Variants in IMMP2L observed in about 807,000 individuals in gnomAD.
IMMP2L encodes the protein mitochondrial inner membrane protease subunit 2.
IMMP2L carries 18 observed loss-of-function variants against 19.3 expected under a neutral mutation model. The observed-to-expected ratio is 0.93, with a 90% CI of 0.64 to 1.38. The LOEUF (loss-of-function observed/expected upper bound fraction) is 1.38. Ranked by LOEUF, IMMP2L falls within the 40% of genes most tolerant of loss-of-function variation. The pLI, the probability that IMMP2L is intolerant of heterozygous loss-of-function variation, is 0.00. For synonymous variants in IMMP2L, 76 were observed against 73.0 expected (o/e 1.04, Z -0.21); for missense variants, 233 against 218.2 (o/e 1.07, Z -0.43).
At chr7:111,366,338 A>G (rs1829756366) in intron 3 of IMMP2L, among the ~76,000 whole-genome samples, 1 of 149,108 alleles carries the variant, frequency 6.7e-6, no homozygotes, top group South Asian at 2.1e-4. Context: ...CTATTAAAAA[A>G]AGAAAGAAAA....
intron 3 of IMMP2L, among the ~76,000 whole-genome samples, chr7:111,471,344 GA>G (rs1841252346): frequency 6.6e-6 from 1 of 152,048 alleles, no homozygotes; most frequent in South Asian, 2.1e-4. Flanking sequence ...TTGTATAGAA[GA>G]GAGGAGAAAA....
chr7:110,850,201 T>C (rs1019391926), intron 5 of IMMP2L, among the ~76,000 whole-genome samples: 3 of 151,996 alleles, frequency 2.0e-5, no homozygotes, highest in African/African-American at 7.2e-5. Context: ...TTTTCTGCTA[T>C]CAAAACAGGA....
intron 4 of IMMP2L, among the ~76,000 whole-genome samples, chr7:110,932,989 GT>G (rs1379581716): frequency 6.6e-6 from 1 of 152,156 alleles, no homozygotes; most frequent in Non-Finnish European, 1.5e-5. Flanking sequence ...ACTCTCTTTA[GT>G]TTTGCCACAG....
intron 5 of IMMP2L, among the ~76,000 whole-genome samples, chr7:110,741,541 G>C (rs1450554653): frequency 6.6e-6 from 1 of 152,160 alleles, no homozygotes; most frequent in East Asian, 1.9e-4. Flanking sequence ...ACCATCTTTG[G>C]AGCAGAAAGC....
chr7:111,441,837 C>T (rs1282364209), intron 3 of IMMP2L, among the ~76,000 whole-genome samples: 1 of 151,576 alleles, frequency 6.6e-6, no homozygotes, highest in Non-Finnish European at 1.5e-5. Flanking sequence ...GTAAAACTCA[C>T]ATGAAAAGCT....
chr7:110,672,507 TCA>T (rs1316552959), intron 5 of IMMP2L, among the ~76,000 whole-genome samples: 1 of 152,094 alleles, frequency 6.6e-6, no homozygotes, highest in Non-Finnish European at 1.5e-5. Context: ...AAGTCTTAAC[TCA>T]TTCCACCATT....
In IMMP2L at chr7:111,038,279, A is replaced by T. The variant is rs141891649; in HGVS notation, c.240-74714T>A. On this transcript the variant is annotated intron_variant, in intron 3 of 5. Transcript: ENST00000405709. ...TATTCACAATTTGGGGGTGGTAAAA[A>T]TGAAAGGAAAAGCAATACGTTGGTG... is the stretch of plus-strand genomic sequence containing the variant. 4.1e-3 allele frequency among the ~76,000 whole-genome samples: 623 copies of T among 152,286 alleles called. 30 individuals are homozygous for T. The East Asian group carries it at 0.081, about 20-fold the overall frequency.
At chr7:110,873,029 G>A (rs1808684671) in intron 5 of IMMP2L, among the ~76,000 whole-genome samples, 1 of 152,152 alleles carries the variant, frequency 6.6e-6, no homozygotes, top group African/African-American at 2.4e-5. Flanking sequence ...GATATTTGGG[G>A]GGAGCCCCCA....
intron 3 of IMMP2L, among the ~76,000 whole-genome samples, chr7:111,160,613 T>C (rs1209600186): frequency 2.0e-5 from 3 of 151,784 alleles, no homozygotes; most frequent in Non-Finnish European, 4.4e-5. Context: ...TAGAAGGCTA[T>C]AAATTCATGA....
intron 4 of IMMP2L, chr7:110,962,666 C>A: frequency 1.0e-6 from 1 of 959,256 alleles, no homozygotes; most frequent in Non-Finnish European, 1.2e-6. Context: ...CCCCTGGGAT[C>A]CTCTGGCCAT....
At chr7:111,237,022 A>G (rs1814405650) in intron 3 of IMMP2L, among the ~76,000 whole-genome samples, 1 of 152,174 alleles carries the variant, frequency 6.6e-6, no homozygotes, top group African/African-American at 2.4e-5. Context: ...ATAGAAAGTA[A>G]GAACTTACAA....
intron 5 of IMMP2L, among the ~76,000 whole-genome samples, chr7:110,810,891 A>G (rs1801989326): frequency 6.6e-6 from 1 of 152,110 alleles, no homozygotes; most frequent in South Asian, 2.1e-4. Context: ...ATGACTTGAC[A>G]TCATAAAAAG....
chr7:111,187,230 T>C (rs1296359585), intron 3 of IMMP2L, among the ~76,000 whole-genome samples: 1 of 152,144 alleles, frequency 6.6e-6, no homozygotes, highest in Non-Finnish European at 1.5e-5. Flanking sequence ...CTTCCCTTTC[T>C]GGCCAAGCAG....
rs1808385656 is a variant in IMMP2L, at chr7:110,870,131, T to C, written c.408+16462A>G. Among the ~76,000 whole-genome samples the C allele has an allele frequency of 6.6e-6, 1 of 152,164 alleles. No homozygotes were observed. The highest frequency in any genetic ancestry group is 2.1e-4 in the South Asian group (1 of 4,836). On this transcript the variant is annotated intron_variant, in intron 5 of 5. Transcript: ENST00000405709. The surrounding 1 kb of genome is among the most constrained non-coding windows in gnomAD (Gnocchi z 4.2). ...TGGTCCTGTTTCTCCTTGTTCTGTTTGCTTTGCTTGAATCACCATCTATTT... is the reference window on the plus strand; with the variant it reads ...TGGTCCTGTTTCTCCTTGTTCTGTTCGCTTTGCTTGAATCACCATCTATTT...
chr7:111,114,800 T>A (rs1799676933), intron 3 of IMMP2L, among the ~76,000 whole-genome samples: 1 of 150,440 alleles, frequency 6.6e-6, no homozygotes. Flanking sequence ...TTTGAGAATA[T>A]TTAAGGGTTA....
chr7:111,205,126 C>T (rs1810558568), intron 3 of IMMP2L, among the ~76,000 whole-genome samples: 1 of 152,162 alleles, frequency 6.6e-6, no homozygotes, highest in African/African-American at 2.4e-5. Context: ...AGGGACAACA[C>T]TGTGTCTTCA....
chr7:111,450,157 T>C (rs1838972996), intron 3 of IMMP2L, among the ~76,000 whole-genome samples: 1 of 151,646 alleles, frequency 6.6e-6, no homozygotes, highest in Non-Finnish European at 1.5e-5. Context: ...ACAGATTCAA[T>C]GCCACCCCCA....
chr7:110,895,024 C>A (rs1161166955), intron 4 of IMMP2L, among the ~76,000 whole-genome samples: 3 of 152,132 alleles, frequency 2.0e-5, no homozygotes, highest in Admixed American at 2.0e-4. Context: ...TAAAGACACA[C>A]CCAAGACTGG....
At chr7:111,315,562 G>A (rs917398348) in intron 3 of IMMP2L, among the ~76,000 whole-genome samples, 8 of 152,000 alleles carry the variant, frequency 5.3e-5, no homozygotes, top group African/African-American at 1.9e-4. Context: ...TGCACACAAT[G>A]CAATTTGCTC....
Sources: allele counts gnomAD v4.1 joint callset (sites outside exome capture counted in the v4.1 genomes callset), GRCh38; gene constraint gnomAD v4.1.1; non-coding constraint Gnocchi (gnomAD v3.1); transcripts MANE v1.5; gene names NCBI Gene and HGNC (gene_info 2026-07-23, HGNC 2026-07-21).